Variants in FMN1 observed in about 807,000 individuals in gnomAD.
FMN1 encodes the protein formin-1.
FMN1 carries 110 observed loss-of-function variants against 132.4 expected under a neutral mutation model. The observed-to-expected ratio is 0.83, with a 90% CI of 0.71 to 0.97. FMN1 has a LOEUF of 0.97. Ranked by LOEUF, FMN1 falls within the 50% of genes least tolerant of loss-of-function variation. The pLI is 0.00. For missense variants in FMN1, 1,792 were observed against 1,705.3 expected, an observed-to-expected ratio of 1.05 and a Z score of -0.90; for synonymous variants, 722 against 651.7, an observed-to-expected ratio of 1.11 and a Z score of -1.64.
chr15:32,969,269 GTCTC>G lies in FMN1; in HGVS notation c.2428_2431del (p.Glu810ProfsTer18), dbSNP rs1248999773. 8 of 1,613,804 alleles carry G rather than the reference GTCTC, an allele frequency of 5.0e-6. No homozygotes were observed. Among genetic ancestry groups the G allele is most frequent in the Non-Finnish European group, 5.9e-6 (7 of 1,179,898 alleles). On this transcript the variant is annotated frameshift_variant, in exon 8 of 21. Transcript: ENST00000616417. LOFTEE classifies it high-confidence loss of function. Reference sequence around the variant, plus strand: ...TTCACTTTCACAGGGCTTGAGGAAGGTCTCTCTGTCTGTCTGGACGCACACATTT... The same window carrying G: ...TTCACTTTCACAGGGCTTGAGGAAGGTCTGTCTGTCTGGACGCACACATTT...
intron 5 of FMN1, among the ~76,000 whole-genome samples, chr15:33,077,390 G>C (rs1401682477): frequency 7.1e-6 from 1 of 140,084 alleles, no homozygotes. Flanking sequence ...TATACTTTAA[G>C]TTCTAGGGAA....
In FMN1 at chr15:32,992,447, T is replaced by C. The variant is rs192973196; in HGVS notation, c.2223+15567A>G. 1.6e-4 allele frequency among the ~76,000 whole-genome samples: 24 copies of C among 151,482 alleles called. No homozygotes were observed. In the East Asian group the frequency reaches 4.4e-3, roughly 28 times the overall value. The stretch of plus-strand genomic sequence containing the variant: ...GTAGAAAAACTGGTGTGATTTAGTG[T>C]TTATAAATTTCCCTCAGGACTAACT... On this transcript the variant is annotated intron_variant, in intron 7 of 20. Transcript: ENST00000616417.
At chr15:33,014,567 G>A (rs182957866) in intron 6 of FMN1, among the ~76,000 whole-genome samples, 73 of 152,080 alleles carry the variant, frequency 4.8e-4, no homozygotes, top group African/African-American at 1.6e-3. Flanking sequence ...ACGTCTTTTT[G>A]AAAACAATAA....
chr15:32,832,252 G>A lies in FMN1; in HGVS notation c.3928+24763C>T, dbSNP rs1596035498. The stretch of plus-strand genomic sequence containing the variant: ...AAAACATTGACCCTTCTCAAAGCCC[G>A]ATGGATTTAATGCTTTTGTTAATTC... On this transcript the variant is annotated intron_variant, in intron 17 of 20. Transcript: ENST00000616417. 2.0e-5 allele frequency among the ~76,000 whole-genome samples: 3 copies of A among 152,182 alleles called. No homozygotes were observed. The South Asian group carries it at 6.2e-4, about 32-fold the overall frequency.
chr15:32,988,952 A>G (rs980022331), intron 7 of FMN1, among the ~76,000 whole-genome samples: 1 of 152,236 alleles, frequency 6.6e-6, no homozygotes, highest in Non-Finnish European at 1.5e-5. Flanking sequence ...ACAACATCTG[A>G]TAAATGCACA....
At chr15:32,919,381 A>G (rs550660811) in intron 10 of FMN1, among the ~76,000 whole-genome samples, 2 of 152,232 alleles carry the variant, frequency 1.3e-5, no homozygotes, top group Non-Finnish European at 2.9e-5. Context: ...GCACCCGCCA[A>G]GAAGTTGATC....
intron 9 of FMN1, among the ~76,000 whole-genome samples, chr15:32,931,955 C>CTT (rs2061129351): frequency 6.6e-6 from 1 of 151,998 alleles, no homozygotes; most frequent in African/African-American, 2.4e-5. Flanking sequence ...TTTTCAAATG[C>CTT]TTTTTCTGCA....
intron 16 of FMN1, among the ~76,000 whole-genome samples, chr15:32,860,132 A>G (rs2059231316): frequency 7.0e-6 from 1 of 143,496 alleles, no homozygotes; most frequent in African/African-American, 2.5e-5. Flanking sequence ...GAGAGAGACA[A>G]AGAGAGAAAG....
At chr15:32,848,738 T>G (rs1217046864) in intron 17 of FMN1, among the ~76,000 whole-genome samples, 1 of 152,200 alleles carries the variant, frequency 6.6e-6, no homozygotes, top group Non-Finnish European at 1.5e-5. Flanking sequence ...AAAATTTGTT[T>G]ACTATTTTAA....
chr15:32,994,852 T>C (rs554990946), intron 7 of FMN1, among the ~76,000 whole-genome samples: 8 of 152,232 alleles, frequency 5.3e-5, no homozygotes, highest in Non-Finnish European at 8.8e-5. Context: ...GTAAGTACAT[T>C]AAGCACTGCC....
At chr15:32,832,509 G>GTGGC (rs1023999962) in intron 17 of FMN1, among the ~76,000 whole-genome samples, 5 of 152,170 alleles carry the variant, frequency 3.3e-5, no homozygotes, top group Admixed American at 6.5e-5. Flanking sequence ...GCTGGGTGCG[G>GTGGC]TGGCTCACAC....
chr15:32,967,007 A>C (rs531031094), intron 8 of FMN1, among the ~76,000 whole-genome samples: 5 of 152,346 alleles, frequency 3.3e-5, no homozygotes, highest in African/African-American at 1.2e-4. Context: ...TTAACACATC[A>C]TAGAGGGGCA....
intron 9 of FMN1, 146 bp from the exon 10 acceptor site, chr15:32,926,407 T>C (rs995854088): frequency 2.0e-5 from 11 of 550,628 alleles, no homozygotes; most frequent in Admixed American, 3.7e-5. Flanking sequence ...TAATACTTAA[T>C]TGGGAAGTAA....
intron 9 of FMN1, among the ~76,000 whole-genome samples, chr15:32,955,442 G>A (rs2061743802): frequency 6.6e-6 from 1 of 152,070 alleles, no homozygotes; most frequent in Non-Finnish European, 1.5e-5. Context: ...CCCTATTCTT[G>A]TTACATCTTC....
At chr15:32,987,246 T>C (rs1284183817) in intron 7 of FMN1, among the ~76,000 whole-genome samples, 1 of 152,186 alleles carries the variant, frequency 6.6e-6, no homozygotes, top group African/African-American at 2.4e-5. Context: ...TGAAACCACA[T>C]GACCGCTGTA....
At chr15:32,844,285 G>C (rs2058810303) in intron 17 of FMN1, among the ~76,000 whole-genome samples, 1 of 152,128 alleles carries the variant, frequency 6.6e-6, no homozygotes, top group Non-Finnish European at 1.5e-5. Context: ...CAGGGTCTTT[G>C]TGGATCCCAA....
At chr15:33,113,716 A>G (rs1217672079) in intron 4 of FMN1, among the ~76,000 whole-genome samples, 1 of 152,062 alleles carries the variant, frequency 6.6e-6, no homozygotes, top group Non-Finnish European at 1.5e-5. Context: ...CACGTTGAAC[A>G]CTGTGCATTG....
At chr15:32,997,655 A>G (rs1444520236) in intron 7 of FMN1, among the ~76,000 whole-genome samples, 2 of 152,160 alleles carry the variant, frequency 1.3e-5, no homozygotes, top group East Asian at 3.9e-4. Context: ...AATTAAGTCA[A>G]AAAGCATGGG....
intron 17 of FMN1, among the ~76,000 whole-genome samples, chr15:32,846,225 TA>T (rs2058852457): frequency 6.6e-6 from 1 of 152,164 alleles, no homozygotes; most frequent in South Asian, 2.1e-4. Flanking sequence ...TAGAAAAAAG[TA>T]TTGCTTAATC....
Sources: gnomAD v4.1 joint callset for allele counts (sites outside exome capture counted in the v4.1 genomes callset) on GRCh38, gnomAD v4.1.1 for gene constraint, MANE v1.5 for transcripts, NCBI Gene and HGNC (gene_info 2026-07-23, HGNC 2026-07-21) for gene names.